Variants in PAX5 observed in about 807,000 individuals in gnomAD.
The protein encoded by PAX5 is paired box protein Pax-5.
PAX5 carries 9 observed loss-of-function variants against 43.7 expected under a neutral mutation model. The observed-to-expected ratio is 0.21, with a 90% CI of 0.12 to 0.36. PAX5 has a LOEUF of 0.36. Ranked by LOEUF, PAX5 falls within the 10% of genes least tolerant of loss-of-function variation. The pLI, the probability that PAX5 is intolerant of heterozygous loss-of-function variation, is 1.00. For synonymous variants in PAX5, 228 were observed against 214.3 expected, an observed-to-expected ratio of 1.06 and a Z score of -0.56; for missense variants, 383 against 532.7, an observed-to-expected ratio of 0.72 and a Z score of 2.77.
intron 7 of PAX5, among the ~76,000 whole-genome samples, chr9:36,906,675 C>T (rs1038851618): frequency 4.6e-5 from 7 of 152,226 alleles, no homozygotes; most frequent in African/African-American, 9.6e-5. Context: ...GCCTGCTCCA[C>T]GCTGGACAGA....
chr9:36,855,804 T>G (rs1296354325), intron 8 of PAX5, among the ~76,000 whole-genome samples: 1 of 152,226 alleles, frequency 6.6e-6, no homozygotes, highest in Non-Finnish European at 1.5e-5. Flanking sequence ...CGGGGCCGTT[T>G]CCATCTCTCA....
At chr9:36,846,755 A>G in intron 9 of PAX5, 88 bp downstream of exon 9, 1 of 884,216 alleles carries the variant, frequency 1.1e-6, no homozygotes, top group East Asian at 2.5e-5. Context: ...ACCAGACCTC[A>G]GGATGTCGAG....
At position 36,846,733 on chromosome 9, in the gene PAX5, C is replaced by T. The variant is rs1172196420; in HGVS notation, c.1099+110G>A. 1.3e-5 allele frequency: 9 copies of T among 702,114 alleles called. No homozygotes were observed. In the East Asian group the frequency reaches 1.9e-4, roughly 15 times the overall value. The allele number at this position is 702,114 out of a possible 1,614,324, so 43.5% of individuals were successfully genotyped here. A position where few individuals can be genotyped will look rare whatever the true frequency, so the allele number is the denominator to read the frequency against. The stretch of plus-strand genomic sequence containing the variant: ...TCCATGTGTCTGGGCAAGCTACCCA[C>T]CCACCTCAGTGACCAGACCTCAGGA... On this transcript the variant is annotated intron_variant, in intron 9 of 9. Transcript: ENST00000358127.
At chr9:36,872,095 C>A (rs1009566537) in intron 8 of PAX5, among the ~76,000 whole-genome samples, 5 of 152,178 alleles carry the variant, frequency 3.3e-5, no homozygotes, top group African/African-American at 1.2e-4. Flanking sequence ...GCCCTCCTCC[C>A]AGGTGCACAA....
At chr9:36,898,733 C>T (rs1828099386) in intron 7 of PAX5, among the ~76,000 whole-genome samples, 1 of 152,194 alleles carries the variant, frequency 6.6e-6, no homozygotes, top group African/African-American at 2.4e-5. Flanking sequence ...GATTGCAGCT[C>T]CCGGCTCTCC....
intron 8 of PAX5, among the ~76,000 whole-genome samples, chr9:36,876,054 G>A (rs1020150169): frequency 6.6e-6 from 1 of 152,216 alleles, no homozygotes; most frequent in Non-Finnish European, 1.5e-5. Flanking sequence ...AGGTGAGAGG[G>A]GACCAGGCAA....
chr9:36,995,468 C>A (rs945372725), intron 5 of PAX5, among the ~76,000 whole-genome samples: 3 of 151,998 alleles, frequency 2.0e-5, no homozygotes, highest in Admixed American at 1.3e-4. Flanking sequence ...GAGGTCAGTG[C>A]GGGGGGACGT....
intron 7 of PAX5, among the ~76,000 whole-genome samples, chr9:36,890,478 T>G (rs927285091): frequency 6.6e-6 from 1 of 152,180 alleles, no homozygotes; most frequent in African/African-American, 2.4e-5. Flanking sequence ...CCAGGAAGCC[T>G]GCACACTCCA....
chr9:36,968,336 G>C (rs1309867449), intron 5 of PAX5, among the ~76,000 whole-genome samples: 1 of 152,152 alleles, frequency 6.6e-6, no homozygotes, highest in Admixed American at 6.5e-5. Context: ...GTGAGATGTG[G>C]TGTCACCAAG....
intron 5 of PAX5, among the ~76,000 whole-genome samples, chr9:36,970,655 C>A (rs1229485710): frequency 6.6e-6 from 1 of 152,170 alleles, no homozygotes. Flanking sequence ...GGTGGATCTG[C>A]TGAGTCACCT....
chr9:36,995,469 G>A (rs556312303), intron 5 of PAX5, among the ~76,000 whole-genome samples: 167 of 152,334 alleles, frequency 1.1e-3, no homozygotes, highest in East Asian at 2.1e-3. Context: ...AGGTCAGTGC[G>A]GGGGGACGTG....
chr9:36,955,780 A>ATATATAT (rs1043722742), intron 6 of PAX5, among the ~76,000 whole-genome samples: 1 of 82,954 alleles, frequency 1.2e-5, no homozygotes, highest in African/African-American at 3.5e-5. Context: ...CAAAAAAAAA[A>ATATATAT]AAATATATAT....
rs140812468 is a variant in PAX5, at chr9:36,867,028, CT to C, written c.1012+14975del. Among the ~76,000 whole-genome samples, 831 of 123,374 alleles carry C rather than the reference CT, an allele frequency of 6.7e-3. 14 individuals are homozygous for C. Among genetic ancestry groups the C allele is most frequent in the African/African-American group, 0.027 (805 of 29,816 alleles). The allele number at this position is 123,374 out of a possible 152,430, so 80.9% of individuals were successfully genotyped here. On this transcript the variant is annotated intron_variant, in intron 8 of 9. Transcript: ENST00000358127. ...TTGCCGCTGCCCCCAGTGGCCAGCT[CT>C]ACAGCCTACAAAATGTCCTGGATGG...
At position 36,923,397 on chromosome 9, in the gene PAX5, C is replaced by G; in HGVS notation, c.868G>C (p.Gly290Arg). The G allele has an allele frequency of 2.5e-6, 4 of 1,613,380 alleles. No individual in the cohort carries two copies. Among genetic ancestry groups the G allele is most frequent in the Non-Finnish European group, 3.4e-6 (4 of 1,180,014 alleles). ...NLASPTPADI[G>R]SSVPGPQSYP... is the part of the protein sequence containing the mutation. ...GACTGCGGGCCTGGCACACTGCTCC[C>G]GATGTCAGCAGGGGTGGGGCTGGCC... The change falls in exon 7 of 10, where the codon GGG becomes CGG. Residue 290 changes from glycine (G) to arginine (R), a missense_variant. Physicochemically the swap from Gly to Arg is moderately radical, Grantham distance 125 (BLOSUM62 -2). Coordinates refer to ENST00000358127, the MANE Select transcript of PAX5 (RefSeq NM_016734.3).
At chr9:36,857,612 G>A (rs546907892) in intron 8 of PAX5, among the ~76,000 whole-genome samples, 19 of 152,332 alleles carry the variant, frequency 1.2e-4, no homozygotes, top group Middle Eastern at 3.4e-3. Flanking sequence ...TGGGCTTGAG[G>A]ACATTCAAAT....
chr9:36,940,931 G>A (rs553077952), intron 6 of PAX5, among the ~76,000 whole-genome samples: 2 of 152,190 alleles, frequency 1.3e-5, no homozygotes, highest in South Asian at 2.1e-4. Flanking sequence ...TGGATAATTA[G>A]AGCCCTGAAA....
chr9:36,919,246 C>T (rs1392054071), intron 7 of PAX5, among the ~76,000 whole-genome samples: 1 of 151,932 alleles, frequency 6.6e-6, no homozygotes, highest in Non-Finnish European at 1.5e-5. Flanking sequence ...CCATTGAGAC[C>T]TACTGCTCAG....
rs984511284 is a variant in PAX5 at position 36,835,182 on chromosome 9, T to G, written c.*5378A>C. 2.1e-5 allele frequency: 5 copies of G among 233,184 alleles called. No individual in the cohort carries two copies. Among genetic ancestry groups the G allele is most frequent in the Non-Finnish European group, 4.2e-5 (5 of 118,046 alleles). The allele number at this position is 233,184 out of a possible 1,614,324, so 14.4% of individuals were successfully genotyped here. ...AAGAATTTCTGGGCTTTCTGAATGG[T>G]GGCTACGTTTACCCATCTTGGAGAT... On this transcript the variant is annotated 3_prime_UTR_variant, in exon 10 of 10. Coordinates refer to ENST00000358127, the MANE Select transcript of PAX5 (RefSeq NM_016734.3).
chr9:37,020,631 T>C lies in PAX5; in HGVS notation c.212+5A>G, dbSNP rs1193037080. 1.9e-6 allele frequency: 3 copies of C among 1,614,042 alleles called. No individual in the cohort carries two copies. The highest frequency in any genetic ancestry group is 2.5e-6 in the Non-Finnish European group (3 of 1,179,996). On this transcript the variant is annotated splice_donor_5th_base_variant and intron_variant, in intron 2 of 9. Transcript: ENST00000358127. ...TCAAGGGAAGCCTCGAGCTACTGCC[T>C]TTACCTGCCAAGAATTTTGCTGACA...
Sources: gnomAD v4.1 joint callset for allele counts (sites outside exome capture counted in the v4.1 genomes callset) on GRCh38, gnomAD v4.1.1 for gene constraint, MANE v1.5 for transcripts, NCBI Gene and HGNC (gene_info 2026-07-23, HGNC 2026-07-21) for gene names.